Variants in ABCD2 observed in about 807,000 individuals in gnomAD.
ABCD2 encodes the protein ATP binding cassette subfamily D member 2.
ABCD2 carries 36 observed loss-of-function variants against 70.9 expected under a neutral mutation model. The observed-to-expected ratio is 0.51, with a 90% CI of 0.39 to 0.67. The LOEUF is 0.67. Ranked by LOEUF, ABCD2 falls within the 30% of genes least tolerant of loss-of-function variation. The pLI, the probability that ABCD2 is intolerant of heterozygous loss-of-function variation, is 0.00. For synonymous variants in ABCD2, 304 were observed against 306.9 expected, an observed-to-expected ratio of 0.99 and a Z score of 0.10; for missense variants, 729 against 890.2, an observed-to-expected ratio of 0.82 and a Z score of 2.30.
At chr12:39,592,219 A>G (rs1941755877) in intron 6 of ABCD2, among the ~76,000 whole-genome samples, 1 of 152,252 alleles carries the variant, frequency 6.6e-6, no homozygotes. Context: ...TTGCTACAGC[A>G]ATGCTACTAA....
chr12:39,591,916 AGT>A (rs1252533056), intron 6 of ABCD2, among the ~76,000 whole-genome samples: 1 of 152,134 alleles, frequency 6.6e-6, no homozygotes, highest in African/African-American at 2.4e-5. Context: ...AAAACTTTTG[AGT>A]GAGAGGGGAG....
chr12:39,534,701 C>CGGAAGGAAGGACGGAAGGAAGGAAGGAA, the ABCD2 span, among the ~76,000 whole-genome samples: 364 of 111,182 alleles, frequency 3.3e-3, 12 homozygotes, highest in African/African-American at 0.013. Context: ...GAAGGAAGGA[C>CGGAAGGAAGGACGGAAGGAAGGAAGGAA]GGAAGGAAGG....
chr12:39,582,385 G>A lies in ABCD2; in HGVS notation c.1793-2766C>T, dbSNP rs112046099. Reference sequence around the variant, plus strand: ...AAAACCTACATCATTGGACTATTATGGATATTAAATAATGATATATGTAAA... The same window carrying A: ...AAAACCTACATCATTGGACTATTATAGATATTAAATAATGATATATGTAAA... On this transcript the variant is annotated intron_variant, in intron 7 of 9. Transcript: ENST00000308666. 2.1e-3 allele frequency among the ~76,000 whole-genome samples: 312 copies of A among 152,096 alleles called. 4 individuals carry two copies. Among genetic ancestry groups the A allele is most frequent in the African/African-American group, 6.8e-3 (281 of 41,506 alleles).
At chr12:39,601,222 C>A (rs1255339586) in intron 5 of ABCD2, among the ~76,000 whole-genome samples, 4 of 151,836 alleles carry the variant, frequency 2.6e-5, no homozygotes, top group Admixed American at 2.6e-4. Flanking sequence ...ATCACAAAAG[C>A]CCATAATCAG....
chr12:39,545,589 G>T (rs1231635947), downstream of ABCD2, among the ~76,000 whole-genome samples: 1 of 152,168 alleles, frequency 6.6e-6, no homozygotes, highest in African/African-American at 2.4e-5. Context: ...AAGGCTGGTG[G>T]TGAGAAGAGG....
In ABCD2 at chr12:39,566,581, C is replaced by T. The variant is rs190470465; in HGVS notation, c.2003+7135G>A. On this transcript the variant is annotated intron_variant, in intron 9 of 9. Transcript: ENST00000308666. ...TTTGTTGATCTTTTCAAAAAACCAG[C>T]TCCTGGATTCATTGATTTTTTTGAA... Among the ~76,000 whole-genome samples the T allele has an allele frequency of 2.7e-3, 417 of 152,282 alleles. 2 individuals carry two copies. Among genetic ancestry groups the T allele is most frequent in the Middle Eastern group, 0.027 (8 of 294 alleles).
the ABCD2 span, among the ~76,000 whole-genome samples, chr12:39,540,195 A>T: frequency 6.6e-6 from 1 of 152,304 alleles, no homozygotes; most frequent in East Asian, 1.9e-4. Context: ...CTTAACCTTA[A>T]TTCTTACTTA....
intron 9 of ABCD2, among the ~76,000 whole-genome samples, chr12:39,560,063 A>G (rs1941231677): frequency 6.6e-6 from 1 of 152,186 alleles, no homozygotes; most frequent in Non-Finnish European, 1.5e-5. Context: ...CACAATGTGC[A>G]GGTTTGTTAC....
At chr12:39,608,848 T>C (rs1942007680) in intron 2 of ABCD2, among the ~76,000 whole-genome samples, 1 of 152,192 alleles carries the variant, frequency 6.6e-6, no homozygotes, top group African/African-American at 2.4e-5. Flanking sequence ...CTGATTCTCA[T>C]AATCTAGCCT....
chr12:39,565,858 G>A (rs1354551626), intron 9 of ABCD2, among the ~76,000 whole-genome samples: 3 of 152,110 alleles, frequency 2.0e-5, no homozygotes, highest in East Asian at 1.9e-4. Context: ...AATTTTGTTA[G>A]AGGCCTTTTC....
In ABCD2 at chr12:39,609,440, C is replaced by T. The variant is rs79988297; in HGVS notation, c.1121-1726G>A. On this transcript the variant is annotated intron_variant, in intron 2 of 9. Transcript: ENST00000308666. ...ATAAAGCGTTAGTGCAATACATGGC[C>T]CACAGTAAGTGCTCTAAATATCAGC... Among the ~76,000 whole-genome samples, 624 of 152,158 alleles carry T rather than the reference C, an allele frequency of 4.1e-3. 3 individuals carry two copies. The highest frequency in any genetic ancestry group is 6.8e-3 in the Middle Eastern group (2 of 294).
At chr12:39,609,611 A>G (rs1228387829) in intron 2 of ABCD2, among the ~76,000 whole-genome samples, 2 of 152,148 alleles carry the variant, frequency 1.3e-5, no homozygotes, top group African/African-American at 4.8e-5. Flanking sequence ...CATTATCTTC[A>G]AATTTCCAAA....
At chr12:39,567,576 CTT>C (rs1304453686) in intron 9 of ABCD2, among the ~76,000 whole-genome samples, 2 of 152,136 alleles carry the variant, frequency 1.3e-5, no homozygotes, top group Admixed American at 1.3e-4. Context: ...AGTCTTGACT[CTT>C]TATCCAATTT....
rs747261329 is a variant in ABCD2 at position 39,573,757 on chromosome 12, A to T, written c.1962T>A (p.Ala654=). ...EGKIFQAAKG[A]GISLLSITHR... The stretch of plus-strand genomic sequence containing the variant: ...GTGTTATAGACAGTAAGGAAATTCC[A>T]GCCCCTTTTGCAGCCTGAAATATCT... Residue 654 remains alanine, a synonymous_variant, in exon 9 of 10, where the codon GCT becomes GCA. Transcript: ENST00000308666. 6.2e-7 allele frequency: 1 copy of T among 1,613,460 alleles called. No individual in the cohort carries two copies. The highest frequency in any genetic ancestry group is 1.7e-5 in the Admixed American group (1 of 60,016).
rs200462514 is a variant in ABCD2 at position 39,586,200 on chromosome 12, G to A, written c.1744C>T (p.Arg582Cys). ...TAGAGATGGACATTGTGTAGGATAC[G>A]TTCCAGATCTTGGTCTGTATAACCT... Reference protein sequence around the residue: ...DKGYTDQDLERILHNVHLYHI... With the variant: ...DKGYTDQDLECILHNVHLYHI... Residue 582 changes from arginine to cysteine, a missense_variant, in exon 7 of 10, where the codon CGT (arginine) becomes TGT (cysteine). Physicochemically the swap from Arg to Cys is radical, Grantham distance 180. This residue lies in a region of ABCD2 where 289 missense variants were observed against 328.8 expected (regional missense o/e 0.88). Coordinates refer to ENST00000308666, the MANE Select transcript of ABCD2 (RefSeq NM_005164.4). 163 of 1,613,398 alleles carry A rather than the reference G, an allele frequency of 1.0e-4. 5 individuals carry two copies. In the South Asian group the frequency reaches 1.2e-3, roughly 11 times the overall value.
chr12:39,601,390 T>C (rs897714342), intron 5 of ABCD2, among the ~76,000 whole-genome samples: 7 of 146,822 alleles, frequency 4.8e-5, no homozygotes, highest in Non-Finnish European at 1.0e-4. Context: ...ATGTGAATAA[T>C]ATATATATAT....
the ABCD2 span, among the ~76,000 whole-genome samples, chr12:39,538,688 G>T: frequency 6.6e-6 from 1 of 152,086 alleles, no homozygotes; most frequent in Admixed American, 6.5e-5. Flanking sequence ...AAGCTTGAAG[G>T]GATGAGTAAC....
intron 5 of ABCD2, among the ~76,000 whole-genome samples, chr12:39,602,789 C>G (rs1591993568): frequency 6.6e-6 from 1 of 151,938 alleles, no homozygotes; most frequent in Non-Finnish European, 1.5e-5. Flanking sequence ...AAGCAAAGCT[C>G]AAGCCATGTA....
chr12:39,569,788 T>A (rs1941420823), intron 9 of ABCD2, among the ~76,000 whole-genome samples: 1 of 152,208 alleles, frequency 6.6e-6, no homozygotes. Flanking sequence ...GATAACATGT[T>A]CTTATCCTTC....
Sources: allele counts gnomAD v4.1 joint callset (sites outside exome capture counted in the v4.1 genomes callset), GRCh38; gene constraint gnomAD v4.1.1; regional missense constraint gnomAD v4.1.1; transcripts MANE v1.5; gene names NCBI Gene and HGNC (gene_info 2026-07-23, HGNC 2026-07-21).